Variants in EFCAB5 observed in about 807,000 individuals in gnomAD.
EFCAB5 encodes EF-hand calcium-binding domain-containing protein 5.
In EFCAB5, 131 loss-of-function variants were observed where a neutral mutation model predicts 167.9. The ratio of observed to expected loss-of-function variants is 0.78; its 90% CI spans 0.68 to 0.90. EFCAB5 has a LOEUF of 0.90. Ranked by LOEUF, EFCAB5 falls within the 40% of genes least tolerant of loss-of-function variation. The pLI is 0.00. For missense variants in EFCAB5, 1,663 were observed against 1,745.2 expected (o/e 0.95, Z 0.84); for synonymous variants, 574 against 602.8 (o/e 0.95, Z 0.70).
chr17:30,096,839 T>G (rs1567777093), intron 22 of EFCAB5, among the ~76,000 whole-genome samples: 1 of 135,582 alleles, frequency 7.4e-6, no homozygotes, highest in Non-Finnish European at 1.6e-5. Context: ...GCCACCACGC[T>G]TGGCTAATTT....
At chr17:29,960,596 C>A (rs2067702500) in intron 3 of EFCAB5, among the ~76,000 whole-genome samples, 2 of 152,128 alleles carry the variant, frequency 1.3e-5, no homozygotes, top group Admixed American at 6.5e-5. Context: ...CCTTCCCCTA[C>A]CCCCAAAATT....
intron 18 of EFCAB5, among the ~76,000 whole-genome samples, chr17:30,086,785 G>A (rs2071096768): frequency 6.6e-6 from 1 of 152,134 alleles, no homozygotes; most frequent in Non-Finnish European, 1.5e-5. Flanking sequence ...CCAGCTACTT[G>A]GGAGGCTGAG....
intron 7 of EFCAB5, among the ~76,000 whole-genome samples, chr17:30,026,302 T>A: frequency 6.6e-6 from 1 of 152,090 alleles, no homozygotes; most frequent in Non-Finnish European, 1.5e-5. Context: ...CCTATACAAG[T>A]TTGAAAAGAC....
chr17:30,009,651 G>A (rs528202243), intron 7 of EFCAB5, among the ~76,000 whole-genome samples: 3 of 151,990 alleles, frequency 2.0e-5, no homozygotes, highest in South Asian at 2.1e-4. Flanking sequence ...TGGACATTTC[G>A]GTTGTTTTCA....
intron 7 of EFCAB5, among the ~76,000 whole-genome samples, chr17:30,029,048 G>T (rs1184860620): frequency 2.0e-5 from 3 of 152,006 alleles, no homozygotes; most frequent in African/African-American, 7.3e-5. Context: ...CTAAGCTATC[G>T]TTCACCATCA....
rs575154826 is a variant in EFCAB5 at position 30,102,388 on chromosome 17, A to G, written c.4322-5446A>G. ...TTTTATTAATTAATTAATTAATTAT[A>G]GAGGCAGGGTCTGTCTCTGTCACCC... On this transcript the variant is annotated intron_variant, in intron 22 of 22. Transcript: ENST00000394835. 8.4e-3 allele frequency among the ~76,000 whole-genome samples: 1,283 copies of G among 152,094 alleles called. 10 individuals are homozygous for G. Among genetic ancestry groups the G allele is most frequent in the South Asian group, 0.02 (98 of 4,802 alleles).
chr17:29,990,301 G>A (rs1028801077), intron 4 of EFCAB5, among the ~76,000 whole-genome samples: 1 of 152,094 alleles, frequency 6.6e-6, no homozygotes, highest in African/African-American at 2.4e-5. Flanking sequence ...AATAGTTATA[G>A]GATGTTTATC....
chr17:30,020,558 T>C (rs2069153745), intron 7 of EFCAB5, among the ~76,000 whole-genome samples: 1 of 152,060 alleles, frequency 6.6e-6, no homozygotes, highest in South Asian at 2.1e-4. Context: ...AGAGGCCAAG[T>C]TGGCCAGGCT....
At chr17:30,021,113 G>A (rs2151706565) in intron 7 of EFCAB5, among the ~76,000 whole-genome samples, 1 of 151,514 alleles carries the variant, frequency 6.6e-6, no homozygotes, top group East Asian at 1.9e-4. Flanking sequence ...AAAGAGTATG[G>A]TTTGTCTACA....
Position 29,942,306 on chromosome 17 carries a change from G to T in EFCAB5, c.105+4G>T. ...TGAAGTGAAAGAGCTTCATGAGGTA[G>T]AGTTGGCATGAATAAATCAGATATT... On this transcript the variant is annotated splice_donor_region_variant and intron_variant, in intron 2 of 22. Coordinates refer to ENST00000394835, the MANE Select transcript of EFCAB5 (RefSeq NM_198529.4). The T allele has an allele frequency of 1.3e-6, 2 of 1,579,576 alleles. No individual in the cohort carries two copies. Among genetic ancestry groups the T allele is most frequent in the Non-Finnish European group, 1.7e-6 (2 of 1,162,990 alleles).
intron 12 of EFCAB5, among the ~76,000 whole-genome samples, chr17:30,056,969 TA>T (rs759708958): frequency 2.0e-5 from 3 of 152,194 alleles, no homozygotes; most frequent in Admixed American, 6.5e-5. Context: ...ATAGAAGGTA[TA>T]AGGGCATGAA....
At chr17:29,949,418 A>G (rs149316851) in intron 3 of EFCAB5, among the ~76,000 whole-genome samples, 78 of 152,340 alleles carry the variant, frequency 5.1e-4, no homozygotes, top group African/African-American at 1.8e-3. Context: ...AAGGCTCTTG[A>G]TTCTTGGAAA....
At chr17:30,042,823 C>G (rs2069811499) in intron 8 of EFCAB5, among the ~76,000 whole-genome samples, 1 of 152,088 alleles carries the variant, frequency 6.6e-6, no homozygotes, top group Non-Finnish European at 1.5e-5. Context: ...TAAATCCAGA[C>G]AAAGATATTT....
At position 29,993,239 on chromosome 17, in the gene EFCAB5, T is replaced by G; in HGVS notation, c.842T>G (p.Val281Gly). 2 of 1,613,766 alleles carry G rather than the reference T, an allele frequency of 1.2e-6. No homozygotes were observed. The highest frequency in any genetic ancestry group is 1.7e-6 in the Non-Finnish European group (2 of 1,179,800). Residue 281 changes from valine to glycine, a missense_variant, in exon 5 of 23, where the codon GTG (valine) becomes GGG (glycine). Coordinates refer to ENST00000394835, the MANE Select transcript of EFCAB5 (RefSeq NM_198529.4). ...AGCATAGACAAAATCATAGTCAAGG[T>G]GGCCAACACACGGAAACAGGCTCTG... ...RESIDKIIVK[V>G]ANTRKQALQE... is the part of the protein sequence containing the mutation.
chr17:29,937,747 AG>A (rs1354532992), upstream of EFCAB5, among the ~76,000 whole-genome samples: 2 of 152,188 alleles, frequency 1.3e-5, no homozygotes, highest in Non-Finnish European at 2.9e-5. Context: ...AAATCACCAC[AG>A]GGTGGTTCTA....
At chr17:29,930,544 TAAAAA>T (rs986062123) in intron 1 of EFCAB5, among the ~76,000 whole-genome samples, 1 of 151,650 alleles carries the variant, frequency 6.6e-6, no homozygotes, top group South Asian at 2.1e-4. Flanking sequence ...TAACCAACCT[TAAAAA>T]AAAGCAGCTG....
chr17:29,945,826 C>T (rs1189562503), intron 3 of EFCAB5, among the ~76,000 whole-genome samples: 1 of 152,108 alleles, frequency 6.6e-6, no homozygotes, highest in East Asian at 1.9e-4. Flanking sequence ...TCACCTTATA[C>T]AAAAATCAAC....
At chr17:29,936,962 A>G (rs62070270), upstream of EFCAB5, among the ~76,000 whole-genome samples, 61,666 of 152,098 alleles carry the variant, frequency 0.41, 14,066 homozygotes, top group East Asian at 0.69. Context: ...TTGCCAATTT[A>G]TATGGAGAAA....
chr17:30,069,000 C>T (rs2070655298), intron 14 of EFCAB5: 2 of 1,438,810 alleles, frequency 1.4e-6, no homozygotes, highest in Admixed American at 1.7e-5. Flanking sequence ...AGATACATTC[C>T]CAGCAAGTGA....
Sources: gnomAD v4.1 joint callset for allele counts (sites outside exome capture counted in the v4.1 genomes callset) on GRCh38, gnomAD v4.1.1 for gene constraint, MANE v1.5 for transcripts, NCBI Gene and HGNC (gene_info 2026-07-23, HGNC 2026-07-21) for gene names.